Variants in FRMD4A observed in about 807,000 individuals in gnomAD.
FRMD4A encodes FERM domain containing 4A.
In FRMD4A, 29 loss-of-function variants were observed where a neutral mutation model predicts 129.1. The ratio of observed to expected loss-of-function variants is 0.22; its 90% CI spans 0.17 to 0.31. FRMD4A has a LOEUF of 0.31. Among genes scored for constraint, FRMD4A ranks in the 10% least tolerant of loss-of-function variants. The pLI is 1.00. For missense variants in FRMD4A, 1,272 were observed against 1,375.8 expected, an observed-to-expected ratio of 0.92 and a Z score of 1.19; for synonymous variants, 634 against 571.6, an observed-to-expected ratio of 1.11 and a Z score of -1.56.
intron 12 of FRMD4A, among the ~76,000 whole-genome samples, chr10:13,721,530 C>T (rs1174913216): frequency 6.6e-6 from 1 of 152,082 alleles, no homozygotes; most frequent in Non-Finnish European, 1.5e-5. Flanking sequence ...AGCTAGCAGT[C>T]CAGGATAAAA....
At chr10:14,089,690 C>T (rs1325456497) in intron 2 of FRMD4A, among the ~76,000 whole-genome samples, 5 of 150,808 alleles carry the variant, frequency 3.3e-5, no homozygotes, top group Non-Finnish European at 5.9e-5. Flanking sequence ...ACTGTAGTTT[C>T]CCTGGAAAAT....
At chr10:13,796,703 C>T (rs1161069764) in intron 4 of FRMD4A, 115 bp from the exon 5 acceptor site, 2 of 617,992 alleles carry the variant, frequency 3.2e-6, no homozygotes, top group Admixed American at 2.7e-5. Flanking sequence ...TGAACCTTCA[C>T]CTTATTTTTA....
Position 13,832,965 on chromosome 10 carries a change from T to C in FRMD4A, c.112-22057A>G, listed in dbSNP as rs188243050. Among the ~76,000 whole-genome samples, 3 of 152,310 alleles carry C rather than the reference T, an allele frequency of 2.0e-5. 1 individual carries two copies. The highest frequency in any genetic ancestry group is 2.0e-4 in the Admixed American group (3 of 15,294). ...TGAGCATCTGGAAAGAATCACTGTG[T>C]TGTGGGGAAATGCATATTTGCGATG... On this transcript the variant is annotated intron_variant, in intron 3 of 24. Transcript: ENST00000357447.
chr10:14,155,089 G>A (rs1252293387), intron 2 of FRMD4A, among the ~76,000 whole-genome samples: 2 of 152,204 alleles, frequency 1.3e-5, no homozygotes, highest in Non-Finnish European at 2.9e-5. Context: ...AGGAATTTGA[G>A]ACCAGCCTGG....
chr10:13,698,925 C>T (rs1044017462), intron 14 of FRMD4A, among the ~76,000 whole-genome samples: 28 of 152,132 alleles, frequency 1.8e-4, no homozygotes, highest in African/African-American at 5.3e-4. Context: ...CTTCTGGGAG[C>T]GTGGGCATTT....
At chr10:14,093,076 G>A (rs184138438) in intron 2 of FRMD4A, among the ~76,000 whole-genome samples, 52 of 152,294 alleles carry the variant, frequency 3.4e-4, no homozygotes, top group Admixed American at 3.1e-3. Flanking sequence ...TAGGGGGCAC[G>A]GACGGGGATC....
chr10:13,984,217 G>A (rs564973505), intron 2 of FRMD4A, among the ~76,000 whole-genome samples: 1 of 152,132 alleles, frequency 6.6e-6, no homozygotes, highest in Non-Finnish European at 1.5e-5. Context: ...CACATGGCGG[G>A]GTTTTATGAA....
At chr10:13,951,890 A>AAAC (rs1554984656) in intron 2 of FRMD4A, among the ~76,000 whole-genome samples, 3 of 127,654 alleles carry the variant, frequency 2.4e-5, no homozygotes, top group Non-Finnish European at 5.2e-5. Context: ...ACTCTGTCTC[A>AAAC]AATAATAATA....
intron 2 of FRMD4A, among the ~76,000 whole-genome samples, chr10:13,936,064 G>A (rs926472102): frequency 1.8e-4 from 27 of 152,318 alleles, no homozygotes; most frequent in African/African-American, 6.5e-4. Context: ...TATGGACTCA[G>A]TTACACTGAA....
At chr10:14,316,145 C>T (rs1846731501) in intron 2 of FRMD4A, among the ~76,000 whole-genome samples, 1 of 152,170 alleles carries the variant, frequency 6.6e-6, no homozygotes, top group South Asian at 2.1e-4. Context: ...ATAGTGATTC[C>T]ATGCTTCTTG....
chr10:14,322,657 AT>A (rs1249251602), intron 2 of FRMD4A, among the ~76,000 whole-genome samples: 1 of 152,206 alleles, frequency 6.6e-6, no homozygotes, highest in Non-Finnish European at 1.5e-5. Flanking sequence ...ACTCATCACA[AT>A]GCAACAGAAG....
At chr10:14,300,999 C>T (rs1013255525) in intron 2 of FRMD4A, among the ~76,000 whole-genome samples, 1 of 152,174 alleles carries the variant, frequency 6.6e-6, no homozygotes, top group African/African-American at 2.4e-5. Context: ...AGTTATCTAA[C>T]CTCCAGGAGG....
intron 2 of FRMD4A, among the ~76,000 whole-genome samples, chr10:13,896,924 G>A (rs766102592): frequency 2.0e-5 from 3 of 152,080 alleles, no homozygotes; most frequent in African/African-American, 4.8e-5. Flanking sequence ...GGTTTAATCC[G>A]TTTATGCGTG....
chr10:13,741,554 TG>T (rs1048203866), intron 9 of FRMD4A, among the ~76,000 whole-genome samples: 1 of 152,158 alleles, frequency 6.6e-6, no homozygotes, highest in African/African-American at 2.4e-5. Context: ...ACAGCAGAGA[TG>T]ACGCATGAAT....
intron 2 of FRMD4A, among the ~76,000 whole-genome samples, chr10:14,011,633 T>C (rs1404133174): frequency 6.6e-6 from 1 of 152,108 alleles, no homozygotes; most frequent in Non-Finnish European, 1.5e-5. Flanking sequence ...TCTGAGTATA[T>C]GTGGCTCTGG....
At chr10:13,688,215 T>TA (rs1475277977) in intron 15 of FRMD4A, among the ~76,000 whole-genome samples, 1 of 152,104 alleles carries the variant, frequency 6.6e-6, no homozygotes, top group Non-Finnish European at 1.5e-5. Context: ...TATGCAGCCA[T>TA]AAAAAATGAT....
At chr10:14,275,769 C>T (rs1475233543) in intron 2 of FRMD4A, among the ~76,000 whole-genome samples, 1 of 152,132 alleles carries the variant, frequency 6.6e-6, no homozygotes, top group Non-Finnish European at 1.5e-5. Flanking sequence ...CCGGGAGTGG[C>T]AGCTCACATC....
chr10:14,021,165 T>C (rs1565190439), intron 2 of FRMD4A, among the ~76,000 whole-genome samples: 1 of 152,112 alleles, frequency 6.6e-6, no homozygotes, highest in Non-Finnish European at 1.5e-5. Flanking sequence ...CCCATGAGAC[T>C]TTAAAGCTCC....
At chr10:13,803,928 C>G (rs771657529) in intron 4 of FRMD4A, among the ~76,000 whole-genome samples, 3 of 152,180 alleles carry the variant, frequency 2.0e-5, no homozygotes, top group Non-Finnish European at 4.4e-5. Flanking sequence ...GTTCCCAGCT[C>G]CCTCCGGTCA....
Sources: allele counts gnomAD v4.1 joint callset (sites outside exome capture counted in the v4.1 genomes callset), GRCh38; gene constraint gnomAD v4.1.1; transcripts MANE v1.5; gene names NCBI Gene and HGNC (gene_info 2026-07-23, HGNC 2026-07-21).